The following NOXA1 variants were observed in gnomAD, a reference collection of about 807,000 sequenced individuals.
The protein encoded by NOXA1 is NCF2-like protein.
NOXA1 carries 56 observed loss-of-function variants against 64.8 expected under a neutral mutation model. The ratio of observed to expected loss-of-function variants is 0.86; its 90% CI spans 0.70 to 1.08. NOXA1 has a LOEUF of 1.08. Ranked by LOEUF, NOXA1 falls within the 50% of genes least tolerant of loss-of-function variation. NOXA1 has a pLI of 0.00. For synonymous variants in NOXA1, 295 were observed against 294.8 expected, an observed-to-expected ratio of 1.00 and a Z score of -0.01; for missense variants, 668 against 658.5, an observed-to-expected ratio of 1.01 and a Z score of -0.16.
chr9:137,429,653 C>T (rs1192999439), intron 5 of NOXA1, among the ~76,000 whole-genome samples: 1 of 152,180 alleles, frequency 6.6e-6, no homozygotes, highest in Non-Finnish European at 1.5e-5. Flanking sequence ...CACCCCGCCC[C>T]CAGACTGGGC....
At chr9:137,428,197 G>A (rs1016767809) in intron 3 of NOXA1, 56 bp downstream of exon 3, 4 of 1,277,752 alleles carry the variant, frequency 3.1e-6, no homozygotes, top group Non-Finnish European at 4.4e-6. Flanking sequence ...ACGGGCGGTG[G>A]CACTGTCACA....
At position 137,433,625 on chromosome 9, in the gene NOXA1, C is replaced by T. The variant is rs35138580; in HGVS notation, c.1064+18C>T. ...CAACTCAGGTGGGCCAGAAAGCCCC[C>T]GGTGGCTGCGGTGGAGCTGGGCACC... On this transcript the variant is annotated intron_variant, in intron 11 of 13. Transcript: ENST00000683555. 459,232 of 1,535,142 alleles carry T rather than the reference C, an allele frequency of 0.3. 71,836 individuals carry two copies. The highest frequency in any genetic ancestry group is 0.63 in the East Asian group (25,615 of 40,680).
At chr9:137,428,230 G>A in intron 3 of NOXA1, 89 bp downstream of exon 3, 1 of 938,258 alleles carries the variant, frequency 1.1e-6, no homozygotes, top group South Asian at 1.5e-5. Flanking sequence ...GGACTGGGGA[G>A]CGCCTCTGGC....
chr9:137,426,182 C>G, intron 1 of NOXA1, 66 bp from the exon 2 acceptor site: 1 of 1,400,872 alleles, frequency 7.1e-7, no homozygotes, highest in Non-Finnish European at 1.0e-6. Flanking sequence ...ACCCATCACG[C>G]TGTATCTGTG....
rs1321347894 is a variant in NOXA1 at position 137,433,572 on chromosome 9, A to C, written c.1029A>C (p.Gln343His). ...CCAGCCTGCGGGCACTGCTGGGCCA[A>C]GCCCTCCCTCACCAGGCCCAGCTTG... The part of the protein sequence containing the change: ...DLSSLRALLG[Q>H]ALPHQAQLGQ... The change falls in exon 11 of 14, where the codon CAA becomes CAC. Residue 343 changes from glutamine (Q) to histidine (H), a missense_variant. Gln to His is a conservative substitution (Grantham distance 24). Transcript: ENST00000683555. The C allele has an allele frequency of 1.9e-6, 3 of 1,563,122 alleles. No homozygotes were observed. Among genetic ancestry groups the C allele is most frequent in the Middle Eastern group, 1.8e-4 (1 of 5,634 alleles).
At chr9:137,427,439 G>A (rs1242349530) in intron 2 of NOXA1, among the ~76,000 whole-genome samples, 2 of 152,234 alleles carry the variant, frequency 1.3e-5, no homozygotes, top group African/African-American at 4.8e-5. Context: ...AGAGAGCCCG[G>A]ATCTGGAGAT....
intron 8 of NOXA1, among the ~76,000 whole-genome samples, chr9:137,432,503 C>G (rs1380446060): frequency 1.3e-5 from 2 of 152,160 alleles, no homozygotes; most frequent in Non-Finnish European, 2.9e-5. Context: ...TGGCGTGAAC[C>G]CAGGAGGCGG....
chr9:137,429,498 G>C, intron 5 of NOXA1, 115 bp downstream of exon 5: 4 of 731,182 alleles, frequency 5.5e-6, no homozygotes, highest in Middle Eastern at 5.9e-4. Context: ...GGAGGGTAGA[G>C]AGTGGGCCCA....
Position 137,423,719 on chromosome 9 carries a change from T to G in NOXA1, c.177+13T>G. 1 of 1,263,122 alleles carries G rather than the reference T, an allele frequency of 7.9e-7. No homozygotes were observed. Among genetic ancestry groups the G allele is most frequent in the Non-Finnish European group, 9.9e-7 (1 of 1,007,218 alleles). 78.2% of individuals were successfully genotyped at this position (1,263,122 alleles called of 1,614,324 possible). On this transcript the variant is annotated intron_variant, in intron 1 of 13. Transcript: ENST00000683555. ...GGCCGCGCTGCGGGTGAGCGGGGCGTGGGGAGGCCGGTGCGGGCGACGCCT... is the reference window on the plus strand; with the variant it reads ...GGCCGCGCTGCGGGTGAGCGGGGCGGGGGGAGGCCGGTGCGGGCGACGCCT...
intron 8 of NOXA1, among the ~76,000 whole-genome samples, chr9:137,432,810 G>A (rs1403429864): frequency 2.6e-5 from 4 of 152,148 alleles, no homozygotes; most frequent in Admixed American, 2.6e-4. Flanking sequence ...GGGACGGGGC[G>A]CTCCCTCCTG....
At position 137,428,061 on chromosome 9, in the gene NOXA1, C is replaced by T. The variant is rs745570386; in HGVS notation, c.289C>T (p.Leu97=). 1.9e-6 allele frequency: 3 copies of T among 1,583,792 alleles called. No individual in the cohort carries two copies. Among genetic ancestry groups the T allele is most frequent in the Non-Finnish European group, 2.6e-6 (3 of 1,166,280 alleles). Residue 97 remains leucine, a synonymous_variant, in exon 3 of 14, where the codon CTG becomes TTG. Transcript: ENST00000683555. ...RFQEALSDFW[L]ALEQLRGHAA... ...CCAGGAGGCTCTGTCTGACTTCTGG[C>T]TGGCCCTGGAGCAGCTGAGGGGCCA...
intron 2 of NOXA1, among the ~76,000 whole-genome samples, chr9:137,427,343 C>G: frequency 6.6e-6 from 1 of 152,196 alleles, no homozygotes; most frequent in East Asian, 1.9e-4. Context: ...GGCTTTATAA[C>G]TGGTCATCAA....
Position 137,434,286 on chromosome 9 carries a change from G to C in NOXA1, c.1357G>C (p.Val453Leu), listed in dbSNP as rs371932076. 6.2e-7 allele frequency: 1 copy of C among 1,611,132 alleles called. No individual in the cohort carries two copies. The highest frequency in any genetic ancestry group is 1.1e-5 in the South Asian group (1 of 91,046). The stretch of plus-strand genomic sequence containing the variant: ...CATCGGCATCTTCCCCAAGTGCTTC[G>C]TGGTCCCCGCCGGCCCTCGGATGTC... The part of the protein sequence containing the change: ...GRIGIFPKCF[V>L]VPAGPRMSGA... The change falls in exon 14 of 14, where the codon GTG (valine) becomes CTG (leucine). Residue 453 changes from valine to leucine, a missense_variant. By Grantham distance (32) the Val-to-Leu change is conservative. Transcript: ENST00000683555.
chr9:137,433,796 G>T lies in NOXA1; in HGVS notation c.1111G>T (p.Glu371Ter). Residue 371 changes from glutamate (E) to a stop codon, truncating the protein, a stop_gained, in exon 12 of 14, where the codon GAG becomes TAG. Coordinates refer to ENST00000683555, the MANE Select transcript of NOXA1 (RefSeq NM_001256067.2). LOFTEE classifies it high-confidence loss of function. ...EDGHWVPIPEEESLQRAWQDA... is the reference protein window; with the variant it reads ...EDGHWVPIPE ...CGGGCACTGGGTCCCCATCCCCGAG[G>T]AGGAGTCGCTGCAGAGGGCCTGGCA... 1 of 1,454,240 alleles carries T rather than the reference G, an allele frequency of 6.9e-7. No homozygotes were observed. The highest frequency in any genetic ancestry group is 1.4e-5 in the African/African-American group (1 of 70,000). 90.1% of individuals were successfully genotyped at this position (1,454,240 alleles called of 1,614,324 possible). A position where few individuals can be genotyped will look rare whatever the true frequency, so the allele number is the denominator to read the frequency against.
chr9:137,432,976 C>T (rs1461346842), intron 8 of NOXA1, 53 bp from the exon 9 acceptor site: 17 of 1,594,654 alleles, frequency 1.1e-5, no homozygotes, highest in East Asian at 4.5e-5. Flanking sequence ...AGGACAGTAC[C>T]GGCCTCCAGC....
In NOXA1 at chr9:137,433,960, C is replaced by T; in HGVS notation, c.1180-5C>T. 1 of 1,543,120 alleles carries T rather than the reference C, an allele frequency of 6.5e-7. No individual in the cohort carries two copies. Among genetic ancestry groups the T allele is most frequent in the South Asian group, 1.2e-5 (1 of 83,950 alleles). ...CCCGACCTGCAGCCCACTCTCCTGC[C>T]TCAGGGAGCCGGGGGTCGGCCGGTC... On this transcript the variant is annotated splice_region_variant and splice_polypyrimidine_tract_variant and intron_variant, in intron 12 of 13. Coordinates refer to ENST00000683555, the MANE Select transcript of NOXA1 (RefSeq NM_001256067.2).
At chr9:137,423,964 G>C (rs1838707466) in intron 1 of NOXA1, among the ~76,000 whole-genome samples, 1 of 152,162 alleles carries the variant, frequency 6.6e-6, no homozygotes, top group Non-Finnish European at 1.5e-5. Flanking sequence ...GGCTGGGTCA[G>C]GCCCGAGGGA....
rs145671685 is a variant in NOXA1, at chr9:137,429,333, C to T, written c.562C>T (p.Arg188Trp). 2.6e-3 allele frequency: 4,055 copies of T among 1,584,260 alleles called. 8 individuals carry two copies. The highest frequency in any genetic ancestry group is 3.2e-3 in the Non-Finnish European group (3,753 of 1,166,710). The change falls in exon 5 of 14, where the codon CGG (arginine) becomes TGG (tryptophan). Residue 188 changes from arginine (R) to tryptophan (W), a missense_variant. Coordinates refer to ENST00000683555, the MANE Select transcript of NOXA1 (RefSeq NM_001256067.2). ...VPRGEVFRPH[R>W]WHLKHLEPVD... ...CAGGGGCGAGGTCTTCCGGCCCCAC[C>T]GGTGGCACCTGAAGCACTTGGAGCC...
Position 137,431,868 on chromosome 9 carries a change from G to A in NOXA1, c.804+527G>A, listed in dbSNP as rs978592382. Among the ~76,000 whole-genome samples the A allele has an allele frequency of 4.6e-5, 7 of 152,280 alleles. No homozygotes were observed. In the South Asian group the frequency reaches 8.3e-4, roughly 18 times the overall value. The stretch of plus-strand genomic sequence containing the variant: ...GGGCGGAGGCTCTGCTGCAGGATCC[G>A]GGAGGCCCAGAGAAGGCACCTGCAT... On this transcript the variant is annotated intron_variant, in intron 8 of 13. Coordinates refer to ENST00000683555, the MANE Select transcript of NOXA1 (RefSeq NM_001256067.2). The surrounding 1 kb of genome is among the most constrained non-coding windows in gnomAD (Gnocchi z 5.6).
Sources: allele counts gnomAD v4.1 joint callset (sites outside exome capture counted in the v4.1 genomes callset), GRCh38; gene constraint gnomAD v4.1.1; non-coding constraint Gnocchi (gnomAD v3.1); transcripts MANE v1.5; gene names NCBI Gene and HGNC (gene_info 2026-07-23, HGNC 2026-07-21).